ACSM3: variants seen among roughly 807,000 people sequenced by gnomAD.
ACSM3 encodes acyl-coenzyme A synthetase ACSM3, mitochondrial.
A neutral mutation model predicts 74.1 loss-of-function variants in ACSM3; 61 were observed. That is an observed-to-expected ratio of 0.82 (90% CI 0.67 to 1.02). The LOEUF is 1.02. Ranked by LOEUF, ACSM3 falls within the 50% of genes least tolerant of loss-of-function variation. ACSM3 has a pLI of 0.00. For missense variants in ACSM3, 660 were observed against 697.0 expected, an observed-to-expected ratio of 0.95 and a Z score of 0.60; for synonymous variants, 213 against 241.5, an observed-to-expected ratio of 0.88 and a Z score of 1.09.
chr16:20,770,880 G>T (rs1388723383), intron 2 of ACSM3, among the ~76,000 whole-genome samples: 1 of 152,090 alleles, frequency 6.6e-6, no homozygotes, highest in African/African-American at 2.4e-5. Context: ...TCATTTCTTT[G>T]TGCTGGGAGC....
At chr16:20,796,289 T>C in intron 12 of ACSM3, 81 bp from the exon 13 acceptor site, 5 of 1,552,700 alleles carry the variant, frequency 3.2e-6, no homozygotes, top group Non-Finnish European at 2.6e-6. Context: ...GGCATGTAGA[T>C]TCTCAGAGCA....
intron 1 of ACSM3, chr16:20,741,710 C>T: frequency 6.3e-7 from 1 of 1,577,066 alleles, no homozygotes; most frequent in Non-Finnish European, 8.6e-7. Context: ...CGCCGCCAGG[C>T]TGAGTAGTCT....
chr16:20,746,862 A>G (rs1596496641), intron 1 of ACSM3, among the ~76,000 whole-genome samples: 1 of 152,170 alleles, frequency 6.6e-6, no homozygotes, highest in East Asian at 1.9e-4. Context: ...ATGTTTCTCT[A>G]TGGCAAACTT....
intron 1 of ACSM3, chr16:20,737,234 C>T: frequency 6.2e-7 from 1 of 1,614,146 alleles, no homozygotes; most frequent in East Asian, 2.2e-5. Context: ...CCACTGTGTA[C>T]TGTGGATTGG....
At position 20,797,178 on chromosome 16, in the gene ACSM3, T is replaced by C; in HGVS notation, c.*206T>C. On this transcript the variant is annotated 3_prime_UTR_variant, in exon 14 of 14. Transcript: ENST00000289416. Reference sequence around the variant, plus strand: ...CTCCACATTAGTGTCAATGTTCCTATCATTTCTTAATATAAAAATAATACC... The same window carrying C: ...CTCCACATTAGTGTCAATGTTCCTACCATTTCTTAATATAAAAATAATACC... 7.7e-7 allele frequency: 1 copy of C among 1,293,126 alleles called. No homozygotes were observed. Among genetic ancestry groups the C allele is most frequent in the Non-Finnish European group, 9.8e-7 (1 of 1,021,428 alleles). The allele number at this position is 1,293,126 out of a possible 1,614,324, so 80.1% of individuals were successfully genotyped here. A position where few individuals can be genotyped will look rare whatever the true frequency, so the allele number is the denominator to read the frequency against.
In ACSM3 at chr16:20,783,597, T is replaced by C. The variant is rs2080400926; in HGVS notation, c.1020-1387T>C. ...TGTTATAGCTCATATCACAGGTAAA[T>C]ATATTTAAACTGATGTTATTTAATT... On this transcript the variant is annotated intron_variant, in intron 7 of 13. Transcript: ENST00000289416. 3.9e-5 allele frequency: 6 copies of C among 152,320 alleles called. No homozygotes were observed. The South Asian group carries it at 1.2e-3, about 32-fold the overall frequency. 9.4% of individuals were successfully genotyped at this position (152,320 alleles called of 1,614,324 possible). A position where few individuals can be genotyped will look rare whatever the true frequency, so the allele number is the denominator to read the frequency against.
At chr16:20,753,916 A>G (rs1015284206) in intron 2 of ACSM3, among the ~76,000 whole-genome samples, 2 of 151,932 alleles carry the variant, frequency 1.3e-5, no homozygotes, top group Admixed American at 6.6e-5. Context: ...TGAAAGAAAG[A>G]AAAAAAAGAC....
At position 20,691,806 on chromosome 16, in the gene ACSM3, T is replaced by TGTGTGTGTGTGTG. The variant is rs1596478335; in HGVS notation, c.-190+16984_-190+16985insGTGTGTGTGTGTG. 2.8e-5 allele frequency among the ~76,000 whole-genome samples: 4 copies of TGTGTGTGTGTGTG among 144,498 alleles called. No homozygotes were observed. The East Asian group carries it at 6.0e-4, about 22-fold the overall frequency. 94.8% of individuals were successfully genotyped at this position (144,498 alleles called of 152,430 possible). ...GTGTGTGTGTGTGTGTGTGTGTGTG[T>TGTGTGTGTGTGTG]TTCTAAACAGATTTAAATATATCAG... On this transcript the variant is annotated intron_variant, in intron 1 of 3. Transcript: ENST00000561584.
At chr16:20,693,629 A>G (rs1299370173) in intron 1 of ACSM3, among the ~76,000 whole-genome samples, 1 of 152,204 alleles carries the variant, frequency 6.6e-6, no homozygotes, top group African/African-American at 2.4e-5. Context: ...ACTTGTTGTC[A>G]AGTGGCTGGA....
chr16:20,776,573 G>C (rs988020311), intron 3 of ACSM3, among the ~76,000 whole-genome samples: 3 of 152,176 alleles, frequency 2.0e-5, no homozygotes, highest in Non-Finnish European at 4.4e-5. Context: ...TTTATCCTTT[G>C]AGAAAATAAT....
rs951048022 is a variant in ACSM3, at chr16:20,790,608, G to A, written c.1246G>A (p.Val416Ile). Residue 416 changes from valine (V) to isoleucine (I), a missense_variant, in exon 10 of 14, where the codon GTT (valine) becomes ATT (isoleucine). Transcript: ENST00000289416. This position sits in a 1 kb window ranked among gnomAD's most constrained non-coding sequence, Gnocchi z 4.0. ...CTAGATTGTAGATGTAAATGGCAAT[G>A]TTCTACCTCCTGGACAAGAAGGAGA... ...DVKIVDVNGN[V>I]LPPGQEGDIG... The A allele has an allele frequency of 6.2e-7, 1 of 1,614,086 alleles. No individual in the cohort carries two copies. Among genetic ancestry groups the A allele is most frequent in the African/African-American group, 1.3e-5 (1 of 75,060 alleles).
At chr16:20,778,649 C>T (rs1004771793) in intron 4 of ACSM3, among the ~76,000 whole-genome samples, 3 of 152,198 alleles carry the variant, frequency 2.0e-5, no homozygotes, top group African/African-American at 7.2e-5. Flanking sequence ...CTACACTCCT[C>T]ACTTCTGTAT....
chr16:20,778,093 T>A (rs1272984573), intron 4 of ACSM3, among the ~76,000 whole-genome samples: 1 of 152,252 alleles, frequency 6.6e-6, no homozygotes, highest in Non-Finnish European at 1.5e-5. Context: ...TCCCAGCACC[T>A]GTCACTGAAG....
At position 20,797,200 on chromosome 16, in the gene ACSM3, T is replaced by C. The variant is rs1463462344; in HGVS notation, c.*228T>C. 3 of 1,240,590 alleles carry C rather than the reference T, an allele frequency of 2.4e-6. No homozygotes were observed. The highest frequency in any genetic ancestry group is 3.0e-6 in the Non-Finnish European group (3 of 991,132). The allele number at this position is 1,240,590 out of a possible 1,614,324, so 76.8% of individuals were successfully genotyped here. ...CTATCATTTCTTAATATAAAAATAA[T>C]ACCATCAATTGCTGATTAATTTTTA... On this transcript the variant is annotated 3_prime_UTR_variant, in exon 14 of 14. Transcript: ENST00000289416.
chr16:20,721,586 G>A (rs1383592635), intron 1 of ACSM3: 1 of 152,210 alleles, frequency 6.6e-6, no homozygotes, highest in African/African-American at 2.4e-5. Flanking sequence ...TATGACAGAG[G>A]GAAGTCAGGG....
chr16:20,710,053 T>C (rs1311460163), intron 1 of ACSM3, among the ~76,000 whole-genome samples: 2 of 152,234 alleles, frequency 1.3e-5, no homozygotes, highest in Non-Finnish European at 2.9e-5. Flanking sequence ...AAGTACAAAC[T>C]ACCTTCTCTC....
At chr16:20,697,618 C>T (rs1401910731) in intron 1 of ACSM3, 1 of 150,876 alleles carries the variant, frequency 6.6e-6, no homozygotes, top group East Asian at 2.0e-4. Context: ...TAGAAGCTGA[C>T]CTTCACCTCT....
chr16:20,788,519 G>A (rs1011282539), intron 9 of ACSM3, among the ~76,000 whole-genome samples: 3 of 152,136 alleles, frequency 2.0e-5, no homozygotes, highest in African/African-American at 7.2e-5. Context: ...TCTTTTCCAC[G>A]GGCCGTTATT....
chr16:20,744,908 C>T (rs2079951462), intron 1 of ACSM3, among the ~76,000 whole-genome samples: 1 of 152,180 alleles, frequency 6.6e-6, no homozygotes, highest in African/African-American at 2.4e-5. Context: ...TTTAATTTGT[C>T]TAAAGTTTTT....
Sources: gnomAD v4.1 joint callset for allele counts (sites outside exome capture counted in the v4.1 genomes callset) on GRCh38, gnomAD v4.1.1 for gene constraint, Gnocchi (gnomAD v3.1) non-coding constraint, MANE v1.5 for transcripts, NCBI Gene and HGNC (gene_info 2026-07-23, HGNC 2026-07-21) for gene names.